The following SMOC1 variants were observed in gnomAD, a reference collection of about 807,000 sequenced individuals.
The protein encoded by SMOC1 is SPARC-related modular calcium-binding protein 1.
SMOC1 carries 22 observed loss-of-function variants against 56.3 expected under a neutral mutation model. The observed-to-expected ratio is 0.39, with a 90% CI of 0.28 to 0.56. The LOEUF (loss-of-function observed/expected upper bound fraction) is 0.56, where lower values mean the gene tolerates loss of function less well. Ranked by LOEUF, SMOC1 falls within the 20% of genes least tolerant of loss-of-function variation. SMOC1 has a pLI of 0.61. For missense variants in SMOC1, 509 were observed against 565.4 expected, an observed-to-expected ratio of 0.90 and a Z score of 1.01; for synonymous variants, 193 against 215.0, an observed-to-expected ratio of 0.90 and a Z score of 0.89.
chr14:69,912,562 T>C (rs1250316849), intron 1 of SMOC1, among the ~76,000 whole-genome samples: 1 of 152,170 alleles, frequency 6.6e-6, no homozygotes, highest in Non-Finnish European at 1.5e-5. Flanking sequence ...CAAGGCATAA[T>C]TATACATCAT....
chr14:69,912,760 G>GT (rs890336070), intron 1 of SMOC1, among the ~76,000 whole-genome samples: 12 of 151,538 alleles, frequency 7.9e-5, no homozygotes, highest in South Asian at 4.2e-4. Flanking sequence ...AAGGCCCTCA[G>GT]TTTTTTTTTC....
At chr14:69,911,032 C>T (rs1170242917) in intron 1 of SMOC1, among the ~76,000 whole-genome samples, 3 of 152,202 alleles carry the variant, frequency 2.0e-5, no homozygotes, top group Non-Finnish European at 4.4e-5. Context: ...GGGAGTTGGG[C>T]AGCTGCAAAG....
chr14:70,012,729 C>T (rs977592306), intron 9 of SMOC1, among the ~76,000 whole-genome samples: 1 of 152,146 alleles, frequency 6.6e-6, no homozygotes, highest in African/African-American at 2.4e-5. Context: ...TCCCCAGCTA[C>T]GTGGTGTAGA....
chr14:69,975,328 G>A (rs1017214798), intron 3 of SMOC1, among the ~76,000 whole-genome samples: 1 of 152,174 alleles, frequency 6.6e-6, no homozygotes. Context: ...GGGTGACAGA[G>A]TGAAACTGTG....
chr14:69,906,386 C>T (rs1480431657), intron 1 of SMOC1, among the ~76,000 whole-genome samples: 3 of 152,200 alleles, frequency 2.0e-5, no homozygotes, highest in African/African-American at 7.2e-5. Context: ...GGAGAAGCCA[C>T]GTGTAGGTCG....
At chr14:70,004,802 T>C (rs2139573869) in intron 7 of SMOC1, among the ~76,000 whole-genome samples, 1 of 152,348 alleles carries the variant, frequency 6.6e-6, no homozygotes, top group East Asian at 1.9e-4. Context: ...CATACACACA[T>C]ACATATACGC....
At chr14:69,925,998 A>G (rs1010763246) in intron 1 of SMOC1, among the ~76,000 whole-genome samples, 3 of 151,832 alleles carry the variant, frequency 2.0e-5, no homozygotes, top group East Asian at 3.9e-4. Flanking sequence ...AGCTCCCCTC[A>G]GGAACTCTCT....
intron 7 of SMOC1, among the ~76,000 whole-genome samples, chr14:70,010,249 C>T (rs1260080768): frequency 2.6e-5 from 4 of 152,192 alleles, no homozygotes; most frequent in Non-Finnish European, 5.9e-5. Flanking sequence ...TCCTGGGTGC[C>T]GAGCATCACT....
At position 69,976,957 on chromosome 14, in the gene SMOC1, A is replaced by G. The variant is rs987265836; in HGVS notation, c.479-961A>G. On this transcript the variant is annotated intron_variant, in intron 4 of 11. Coordinates refer to ENST00000361956, the MANE Select transcript of SMOC1 (RefSeq NM_001034852.3). Reference sequence around the variant, plus strand: ...ATTTACAGGTCAAAAAGGGAAGTTTACTTTATTTGTGGTTTACATGGAAAC... The same window carrying G: ...ATTTACAGGTCAAAAAGGGAAGTTTGCTTTATTTGTGGTTTACATGGAAAC... Among the ~76,000 whole-genome samples the G allele has an allele frequency of 3.3e-5, 5 of 152,214 alleles. No individual in the cohort carries two copies. In the East Asian group the frequency reaches 9.6e-4, roughly 29 times the overall value.
chr14:70,010,764 T>C lies in SMOC1; in HGVS notation c.675T>C (p.Tyr225=), dbSNP rs1885304372. The change falls in exon 8 of 12, where the codon TAT becomes TAC. Residue 225 remains tyrosine (Y), a synonymous_variant. Transcript: ENST00000361956. ...NTNIRNSEKV[Y]SCDQERQSAL... ...TGTCTTCTCTTGCAGAGAAAGTCTA[T>C]TCGTGTGACCAGGAGAGGCAGAGTG... is the stretch of plus-strand genomic sequence containing the variant. The C allele has an allele frequency of 6.2e-7, 1 of 1,614,192 alleles. No individual in the cohort carries two copies. The highest frequency in any genetic ancestry group is 8.5e-7 in the Non-Finnish European group (1 of 1,180,026).
At chr14:69,992,502 A>C (rs769460758) in intron 6 of SMOC1, 29 bp downstream of exon 6, 1 of 1,517,590 alleles carries the variant, frequency 6.6e-7, no homozygotes, top group Non-Finnish European at 9.2e-7. Flanking sequence ...TCTGATGTTC[A>C]TTCTCCCACT....
At chr14:69,909,871 G>A (rs1195601044) in intron 1 of SMOC1, among the ~76,000 whole-genome samples, 1 of 152,170 alleles carries the variant, frequency 6.6e-6, no homozygotes, top group Non-Finnish European at 1.5e-5. Context: ...GACAGCAGAG[G>A]TTTTTGGGTC....
intron 1 of SMOC1, among the ~76,000 whole-genome samples, chr14:69,901,625 C>T (rs1884244597): frequency 6.6e-6 from 1 of 152,196 alleles, no homozygotes; most frequent in Non-Finnish European, 1.5e-5. Context: ...GGTAGGACAT[C>T]TTAGGGAGGA....
chr14:69,913,113 TG>T (rs1884596859), intron 1 of SMOC1, among the ~76,000 whole-genome samples: 1 of 152,184 alleles, frequency 6.6e-6, no homozygotes, highest in African/African-American at 2.4e-5. Flanking sequence ...CCAGTGAGTG[TG>T]GGGGCAAACA....
intron 1 of SMOC1, among the ~76,000 whole-genome samples, chr14:69,897,151 T>C (rs1046142438): frequency 1.3e-5 from 2 of 152,154 alleles, no homozygotes; most frequent in African/African-American, 4.8e-5. Flanking sequence ...CCCCCTCCTC[T>C]CAACCCACAT....
intron 11 of SMOC1, among the ~76,000 whole-genome samples, chr14:70,024,878 G>T (rs1046131835): frequency 6.6e-6 from 1 of 152,190 alleles, no homozygotes; most frequent in Non-Finnish European, 1.5e-5. Context: ...GTGGGACATG[G>T]ATTGGAAATG....
intron 1 of SMOC1, among the ~76,000 whole-genome samples, chr14:69,900,091 G>A (rs1403343093): frequency 6.6e-6 from 1 of 152,192 alleles, no homozygotes; most frequent in Non-Finnish European, 1.5e-5. Context: ...GTGCTCAGTG[G>A]TGGATTATGG....
chr14:69,966,810 C>T (rs11847692), intron 3 of SMOC1, among the ~76,000 whole-genome samples: 3 of 152,170 alleles, frequency 2.0e-5, no homozygotes, highest in Non-Finnish European at 2.9e-5. Flanking sequence ...ATTATAGAAT[C>T]CACAGAAAGA....
intron 3 of SMOC1, among the ~76,000 whole-genome samples, chr14:69,959,558 T>C (rs920145923): frequency 1.3e-5 from 2 of 152,242 alleles, no homozygotes; most frequent in African/African-American, 2.4e-5. Flanking sequence ...ACAATCTTTC[T>C]TGATATAGTT....
Sources: gnomAD v4.1 joint callset for allele counts (sites outside exome capture counted in the v4.1 genomes callset) on GRCh38, gnomAD v4.1.1 for gene constraint, MANE v1.5 for transcripts, NCBI Gene and HGNC (gene_info 2026-07-23, HGNC 2026-07-21) for gene names.